ZMYM4: variants seen among roughly 807,000 people sequenced by gnomAD.
ZMYM4 encodes the protein zinc finger MYM-type protein 4.
Under a neutral mutation model 183.2 loss-of-function variants are expected in ZMYM4, and 31 were observed. The observed-to-expected ratio is 0.17, with a 90% CI of 0.13 to 0.23. The LOEUF (loss-of-function observed/expected upper bound fraction) is 0.23, where lower values mean the gene tolerates loss of function less well. ZMYM4 is among the 10% of genes least tolerant of loss of function. The pLI, the probability that ZMYM4 is intolerant of heterozygous loss-of-function variation, is 1.00. For synonymous variants in ZMYM4, 592 were observed against 631.2 expected (o/e 0.94, Z 0.93); for missense variants, 1,273 against 1,840.3 (o/e 0.69, Z 5.64).
chr1:35,412,746 A>G (rs1204476423), intron 26 of ZMYM4, among the ~76,000 whole-genome samples: 1 of 152,174 alleles, frequency 6.6e-6, no homozygotes, highest in African/African-American at 2.4e-5. Flanking sequence ...AAAGAGGAAT[A>G]CTGTTGAACA....
chr1:35,306,873 A>G (rs984895056), intron 1 of ZMYM4, among the ~76,000 whole-genome samples: 1 of 152,110 alleles, frequency 6.6e-6, no homozygotes, highest in African/African-American at 2.4e-5. Flanking sequence ...ATTTCATAGC[A>G]TTTTCTTCTT....
At chr1:35,368,061 G>GC (rs376935993) in intron 5 of ZMYM4, among the ~76,000 whole-genome samples, 17,704 of 98,104 alleles carry the variant, frequency 0.18, 1,043 homozygotes, top group East Asian at 0.26. Context: ...CAAATCCAGC[G>GC]CCCCCCCCCC....
chr1:35,403,147 T>C (rs185599515), intron 23 of ZMYM4, among the ~76,000 whole-genome samples: 1 of 152,180 alleles, frequency 6.6e-6, no homozygotes, highest in Non-Finnish European at 1.5e-5. Flanking sequence ...TTCCTTTTTT[T>C]AAGTCTGTTA....
chr1:35,346,267 A>G (rs1643386219), intron 2 of ZMYM4, among the ~76,000 whole-genome samples: 1 of 152,202 alleles, frequency 6.6e-6, no homozygotes, highest in Admixed American at 6.5e-5. Context: ...GTACTGCACC[A>G]TGGTGGCTGG....
Position 35,381,741 on chromosome 1 carries a change from A to G in ZMYM4, c.1552A>G (p.Ile518Val), listed in dbSNP as rs77324819. ...TAAGAAGTTTTGTAGTTCATCGTGTATCACGGCATACAAGCAGGTACATGA... is the reference window on the plus strand; with the variant it reads ...TAAGAAGTTTTGTAGTTCATCGTGTGTCACGGCATACAAGCAGGTACATGA... The part of the protein sequence containing the change: ...QSKKFCSSSC[I>V]TAYKQKSAKI... Residue 518 changes from isoleucine to valine, a missense_variant, in exon 9 of 30, where the codon ATC becomes GTC. By Grantham distance (29) the Ile-to-Val change is conservative (BLOSUM62 3). Transcript: ENST00000314607. The G allele has an allele frequency of 1.4e-3, 2,199 of 1,614,196 alleles. 1 individual carries two copies. The highest frequency in any genetic ancestry group is 2.0e-3 in the Admixed American group (119 of 60,036).
rs373882689 is a variant in ZMYM4 at position 35,374,631 on chromosome 1, T to TC, written c.1181+4011dup. 5.5e-4 allele frequency among the ~76,000 whole-genome samples: 74 copies of TC among 134,320 alleles called. 1 individual carries two copies. Among genetic ancestry groups the TC allele is most frequent in the African/African-American group, 1.8e-3 (64 of 35,312 alleles). 88.1% of individuals were successfully genotyped at this position (134,320 alleles called of 152,430 possible). A position where few individuals can be genotyped will look rare whatever the true frequency, so the allele number is the denominator to read the frequency against. On this transcript the variant is annotated intron_variant, in intron 7 of 29. Transcript: ENST00000314607. ...GCCTGGGCAACATAGTGAGACCTGG[T>TC]CCCCCCCAGCTCCTAAAAAAAGTCA...
At chr1:35,407,648 C>T (rs990490563) in intron 25 of ZMYM4, among the ~76,000 whole-genome samples, 28 of 152,128 alleles carry the variant, frequency 1.8e-4, no homozygotes, top group South Asian at 2.1e-4. Flanking sequence ...TTTTGTGTAT[C>T]CTCAGATTGG....
Position 35,268,894 on chromosome 1 carries a change from T to C in ZMYM4, c.-153T>C, listed in dbSNP as rs1639439635. ...AGAAGCTGCGGCCCGGCGCGCGGCATCCGCCCCCTCCCCACTCTCGGCGCA... is the reference window on the plus strand; with the variant it reads ...AGAAGCTGCGGCCCGGCGCGCGGCACCCGCCCCCTCCCCACTCTCGGCGCA... On this transcript the variant is annotated 5_prime_UTR_variant, in exon 1 of 30. Transcript: ENST00000314607. The C allele has an allele frequency of 1.2e-6, 1 of 832,662 alleles. No homozygotes were observed. The highest frequency in any genetic ancestry group is 5.6e-5 in the South Asian group (1 of 17,954). The allele number at this position is 832,662 out of a possible 1,614,324, so 51.6% of individuals were successfully genotyped here.
At chr1:35,344,517 TTTCTC>T (rs1243397243) in intron 2 of ZMYM4, among the ~76,000 whole-genome samples, 1 of 152,164 alleles carries the variant, frequency 6.6e-6, no homozygotes, top group Non-Finnish European at 1.5e-5. Flanking sequence ...AAGACCTTCT[TTTCTC>T]TTTTTAGTTT....
chr1:35,411,596 A>G (rs1639900081), intron 26 of ZMYM4, among the ~76,000 whole-genome samples: 1 of 152,172 alleles, frequency 6.6e-6, no homozygotes, highest in African/African-American at 2.4e-5. Flanking sequence ...TTGAAATTCT[A>G]TGTCAATTTT....
intron 1 of ZMYM4, among the ~76,000 whole-genome samples, chr1:35,285,190 G>T (rs984971617): frequency 5.3e-5 from 8 of 151,712 alleles, no homozygotes; most frequent in African/African-American, 1.9e-4. Context: ...ATTTAGGATG[G>T]TTTTTTCCTA....
intron 1 of ZMYM4, among the ~76,000 whole-genome samples, chr1:35,300,166 C>T (rs1024581313): frequency 2.0e-5 from 3 of 152,122 alleles, no homozygotes; most frequent in Non-Finnish European, 4.4e-5. Context: ...TAGCCTCCAG[C>T]CCTTCTGTTA....
chr1:35,277,859 T>C (rs1639949379), intron 1 of ZMYM4, among the ~76,000 whole-genome samples: 1 of 152,170 alleles, frequency 6.6e-6, no homozygotes, highest in Non-Finnish European at 1.5e-5. Context: ...TAGGAACTCA[T>C]GAGTTTTACC....
At chr1:35,336,539 A>G (rs1290233413) in intron 2 of ZMYM4, among the ~76,000 whole-genome samples, 1 of 151,910 alleles carries the variant, frequency 6.6e-6, no homozygotes, top group Non-Finnish European at 1.5e-5. Flanking sequence ...GGCGTGTGCC[A>G]CCATCCCTGG....
chr1:35,317,737 T>A (rs1434114215), intron 1 of ZMYM4, among the ~76,000 whole-genome samples: 1 of 152,180 alleles, frequency 6.6e-6, no homozygotes, highest in Admixed American at 6.5e-5. Context: ...CAGGTAATTG[T>A]GATCATCAGC....
intron 2 of ZMYM4, among the ~76,000 whole-genome samples, chr1:35,343,380 A>G (rs1379116288): frequency 6.6e-6 from 1 of 152,052 alleles, no homozygotes; most frequent in Non-Finnish European, 1.5e-5. Flanking sequence ...ATCTTTTTGT[A>G]TATGGATGTC....
chr1:35,347,052 C>CT (rs1445180111), intron 2 of ZMYM4, among the ~76,000 whole-genome samples: 93 of 152,340 alleles, frequency 6.1e-4, no homozygotes, highest in African/African-American at 2.2e-3. Context: ...GTCACCCAGG[C>CT]TGGAGTGCAA....
At chr1:35,298,073 G>A (rs1641104272) in intron 1 of ZMYM4, among the ~76,000 whole-genome samples, 1 of 152,224 alleles carries the variant, frequency 6.6e-6, no homozygotes, top group South Asian at 2.1e-4. Flanking sequence ...AATAAATCTG[G>A]ATGATGGCCA....
intron 9 of ZMYM4, among the ~76,000 whole-genome samples, chr1:35,384,342 T>C (rs1256504671): frequency 6.6e-6 from 1 of 152,232 alleles, no homozygotes; most frequent in Non-Finnish European, 1.5e-5. Context: ...CAGGCATATA[T>C]TCACTTTACT....
Sources: allele counts gnomAD v4.1 joint callset (sites outside exome capture counted in the v4.1 genomes callset), GRCh38; gene constraint gnomAD v4.1.1; transcripts MANE v1.5; gene names NCBI Gene and HGNC (gene_info 2026-07-23, HGNC 2026-07-21).